CLYBL: variants seen among roughly 807,000 people sequenced by gnomAD.
The protein encoded by CLYBL is citramalyl-CoA lyase, mitochondrial.
Under a neutral mutation model 38.9 loss-of-function variants are expected in CLYBL, and 31 were observed. That is an observed-to-expected ratio of 0.80 (90% CI 0.60 to 1.08). The LOEUF is 1.08. Among genes scored for constraint, CLYBL ranks in the 50% least tolerant of loss-of-function variants. CLYBL has a pLI of 0.00. For synonymous variants in CLYBL, 171 were observed against 158.6 expected (o/e 1.08, Z -0.59); for missense variants, 434 against 411.6 (o/e 1.05, Z -0.47).
chr13:99,619,871 C>CT (rs1327719815), intron 1 of CLYBL, among the ~76,000 whole-genome samples: 1 of 152,170 alleles, frequency 6.6e-6, no homozygotes, highest in Non-Finnish European at 1.5e-5. Context: ...TTTTTGAGCT[C>CT]TAAGTTATTT....
At chr13:99,670,724 C>T (rs2047553689) in intron 1 of CLYBL, among the ~76,000 whole-genome samples, 2 of 152,202 alleles carry the variant, frequency 1.3e-5, no homozygotes, top group Non-Finnish European at 2.9e-5. Context: ...ATCTTAGCTA[C>T]ACCTTCCGTG....
chr13:99,729,095 G>A (rs545530834), intron 1 of CLYBL, among the ~76,000 whole-genome samples: 170 of 152,332 alleles, frequency 1.1e-3, no homozygotes, highest in Non-Finnish European at 1.6e-3. Flanking sequence ...AGATCAGGAT[G>A]AAGGGCTGTG....
intron 5 of CLYBL, among the ~76,000 whole-genome samples, chr13:99,866,033 A>T (rs1290962932): frequency 6.6e-6 from 1 of 152,186 alleles, no homozygotes; most frequent in Non-Finnish European, 1.5e-5. Flanking sequence ...CTATTGAAAG[A>T]TGCCTTGTCA....
chr13:99,748,028 C>T (rs1377462126), intron 1 of CLYBL, among the ~76,000 whole-genome samples: 1 of 152,068 alleles, frequency 6.6e-6, no homozygotes, highest in African/African-American at 2.4e-5. Flanking sequence ...GTGCGACCAT[C>T]CCCACCACCC....
intron 1 of CLYBL, among the ~76,000 whole-genome samples, chr13:99,651,534 C>G (rs1226949419): frequency 1.3e-5 from 2 of 152,058 alleles, no homozygotes; most frequent in East Asian, 3.9e-4. Context: ...CACACCACTG[C>G]ACTCCAGCCT....
At chr13:99,700,207 C>G (rs1313084075) in intron 1 of CLYBL, among the ~76,000 whole-genome samples, 2 of 152,042 alleles carry the variant, frequency 1.3e-5, no homozygotes, top group African/African-American at 2.4e-5. Context: ...AATCTCAGCA[C>G]TTTGGGAGGC....
intron 1 of CLYBL, among the ~76,000 whole-genome samples, chr13:99,719,508 A>G (rs1346778702): frequency 6.6e-6 from 1 of 150,842 alleles, no homozygotes; most frequent in East Asian, 2.0e-4. Context: ...CTGACAATAT[A>G]TATATATATT....
At chr13:99,806,298 AG>A (rs1277992228) in intron 2 of CLYBL, among the ~76,000 whole-genome samples, 1 of 152,220 alleles carries the variant, frequency 6.6e-6, no homozygotes, top group Non-Finnish European at 1.5e-5. Flanking sequence ...CTCCACATTA[AG>A]TATTACTTTT....
At chr13:99,857,404 C>A (rs546671524) in intron 2 of CLYBL, among the ~76,000 whole-genome samples, 8 of 152,240 alleles carry the variant, frequency 5.3e-5, no homozygotes, top group African/African-American at 1.9e-4. Flanking sequence ...TGGAATAAAA[C>A]AAAGGTATGA....
chr13:99,659,855 T>C (rs1025082326), intron 1 of CLYBL, among the ~76,000 whole-genome samples: 2 of 152,204 alleles, frequency 1.3e-5, no homozygotes, highest in East Asian at 3.9e-4. Context: ...AGCAGCATTC[T>C]CTGGGCAGGG....
chr13:99,798,569 G>C (rs899548590), intron 2 of CLYBL, among the ~76,000 whole-genome samples: 15 of 152,294 alleles, frequency 9.8e-5, no homozygotes, highest in African/African-American at 3.6e-4. Context: ...ATTGGAATTT[G>C]CATGATGTAA....
chr13:99,691,958 G>A (rs2047909291), intron 1 of CLYBL, among the ~76,000 whole-genome samples: 1 of 152,208 alleles, frequency 6.6e-6, no homozygotes, highest in Non-Finnish European at 1.5e-5. Context: ...CGGTCCCTGA[G>A]TTTTCAGACT....
chr13:99,745,582 C>T (rs1396964116), intron 1 of CLYBL, among the ~76,000 whole-genome samples: 1 of 152,158 alleles, frequency 6.6e-6, no homozygotes, highest in East Asian at 1.9e-4. Context: ...CAAAACCCAA[C>T]TATGTTAGAA....
chr13:99,676,224 CCTTCCTTCCTTCCTTT>C (rs1273741665), intron 1 of CLYBL, among the ~76,000 whole-genome samples: 49 of 94,010 alleles, frequency 5.2e-4, no homozygotes, highest in African/African-American at 1.4e-3. Context: ...TTCCTTCCTT[CCTTCCTTCCTTCCTTT>C]CCTCCCTTTC....
In CLYBL at chr13:99,695,772, C is replaced by A. The variant is rs551761837; in HGVS notation, c.63-77052C>A. On this transcript the variant is annotated intron_variant, in intron 1 of 8. Transcript: ENST00000339105. ...GACCTTAGATGATCCCCTGCCTTGGCCTCCCAAAGTGCTGGGATTACAGGA... is the reference window on the plus strand; with the variant it reads ...GACCTTAGATGATCCCCTGCCTTGGACTCCCAAAGTGCTGGGATTACAGGA... Among the ~76,000 whole-genome samples, 11 of 152,278 alleles carry A rather than the reference C, an allele frequency of 7.2e-5. No individual in the cohort carries two copies. The East Asian group carries it at 2.1e-3, about 29-fold the overall frequency.
chr13:99,652,765 C>T (rs2047273590), intron 1 of CLYBL, among the ~76,000 whole-genome samples: 1 of 152,204 alleles, frequency 6.6e-6, no homozygotes, highest in Admixed American at 6.5e-5. Context: ...ACTCAGAGGC[C>T]TCCACATAAC....
chr13:99,877,571 C>CTTTTTTTTTTTTTTT (rs561372911), intron 7 of CLYBL: 1 of 192,566 alleles, frequency 5.2e-6, no homozygotes, highest in Non-Finnish European at 9.3e-6. Flanking sequence ...TTTTGTAATT[C>CTTTTTTTTTTTTTTT]TTTTTTTTTT....
chr13:99,807,222 G>A (rs900723592), intron 2 of CLYBL, among the ~76,000 whole-genome samples: 10 of 152,124 alleles, frequency 6.6e-5, no homozygotes, highest in African/African-American at 1.9e-4. Flanking sequence ...CAGAAAGTCC[G>A]GTCCACATCT....
chr13:99,719,316 T>C (rs1187265356), intron 1 of CLYBL, among the ~76,000 whole-genome samples: 2 of 151,536 alleles, frequency 1.3e-5, no homozygotes, highest in Non-Finnish European at 2.9e-5. Context: ...GGCTGAATTA[T>C]TTATTTATTT....
Sources: gnomAD v4.1 joint callset for allele counts (sites outside exome capture counted in the v4.1 genomes callset) on GRCh38, gnomAD v4.1.1 for gene constraint, MANE v1.5 for transcripts, NCBI Gene and HGNC (gene_info 2026-07-23, HGNC 2026-07-21) for gene names.